The following SPMIP2 variants were observed in gnomAD, a reference collection of about 807,000 sequenced individuals.
SPMIP2 encodes the protein protein SPMIP2.
the SPMIP2 span, among the ~76,000 whole-genome samples, chr4:158,939,410 A>G: frequency 6.6e-6 from 1 of 152,170 alleles, no homozygotes; most frequent in Middle Eastern, 3.2e-3. Flanking sequence ...ACTAATCTCC[A>G]CACCACCCCA....
the SPMIP2 span, among the ~76,000 whole-genome samples, chr4:159,020,686 A>G: frequency 2.0e-5 from 3 of 152,208 alleles, no homozygotes; most frequent in Admixed American, 6.5e-5. Context: ...TAAGGCCACA[A>G]TCACAGCCCC....
the SPMIP2 span, among the ~76,000 whole-genome samples, chr4:159,048,673 A>C: frequency 4.7e-5 from 7 of 150,320 alleles, no homozygotes; most frequent in Non-Finnish European, 7.4e-5. Flanking sequence ...GCAAAGGATG[A>C]TATTGTCAAA....
At chr4:159,046,754 G>A in the SPMIP2 span, among the ~76,000 whole-genome samples, 1 of 152,266 alleles carries the variant, frequency 6.6e-6, no homozygotes, top group East Asian at 1.9e-4. Context: ...TCTATTTTTA[G>A]AAGAGACGGG....
chr4:158,973,383 G>T, the SPMIP2 span: 2 of 929,114 alleles, frequency 2.2e-6, no homozygotes, highest in Non-Finnish European at 3.2e-6. Flanking sequence ...TTTAACCGTT[G>T]AAATACTAAT....
chr4:158,945,402 A>G, the SPMIP2 span, among the ~76,000 whole-genome samples: 13 of 152,188 alleles, frequency 8.5e-5, no homozygotes, highest in Non-Finnish European at 1.8e-4. Flanking sequence ...ACCATGCTGC[A>G]AAATTATTGA....
chr4:159,013,495 T>C, the SPMIP2 span, among the ~76,000 whole-genome samples: 6 of 152,238 alleles, frequency 3.9e-5, no homozygotes, highest in African/African-American at 1.2e-4. Context: ...CCCCTCTTCC[T>C]GTCTGGTAGG....
At chr4:159,036,023 T>C in the SPMIP2 span, among the ~76,000 whole-genome samples, 1 of 152,230 alleles carries the variant, frequency 6.6e-6, no homozygotes, top group Admixed American at 6.5e-5. Context: ...ATGCAATAAA[T>C]AGTTAATAGA....
chr4:158,991,014 A>G, the SPMIP2 span, among the ~76,000 whole-genome samples: 8 of 152,182 alleles, frequency 5.3e-5, no homozygotes, highest in Non-Finnish European at 8.8e-5. Context: ...CTGGGTTCAA[A>G]TGATTCTCCT....
At chr4:158,954,133 T>C in the SPMIP2 span, among the ~76,000 whole-genome samples, 1 of 152,256 alleles carries the variant, frequency 6.6e-6, no homozygotes, top group African/African-American at 2.4e-5. Context: ...AATGATATGG[T>C]TTGGCTCTGT....
chr4:158,923,871 A>G, the SPMIP2 span, among the ~76,000 whole-genome samples: 9 of 152,252 alleles, frequency 5.9e-5, no homozygotes, highest in South Asian at 2.1e-4. Flanking sequence ...CACTTTATCA[A>G]TGTTATAGGC....
chr4:159,072,971 C>T, the SPMIP2 span, among the ~76,000 whole-genome samples: 3,573 of 152,112 alleles, frequency 0.023, 144 homozygotes, highest in African/African-American at 0.08. Flanking sequence ...TTTTGTTAGT[C>T]TCACAATGCT....
the SPMIP2 span, among the ~76,000 whole-genome samples, chr4:159,002,789 C>T: frequency 1.3e-5 from 2 of 152,188 alleles, no homozygotes; most frequent in South Asian, 4.2e-4. Flanking sequence ...CACACACACA[C>T]ACACACGCAG....
the SPMIP2 span, chr4:158,973,211 A>G: frequency 6.2e-7 from 1 of 1,613,772 alleles, no homozygotes; most frequent in Non-Finnish European, 8.5e-7. Context: ...GCCTCCATAA[A>G]TATCTGAGAT....
At chr4:158,982,250 T>C in the SPMIP2 span, among the ~76,000 whole-genome samples, 1 of 152,220 alleles carries the variant, frequency 6.6e-6, no homozygotes, top group South Asian at 2.1e-4. Flanking sequence ...TACAAAGAGA[T>C]GTAAAGTCTC....
the SPMIP2 span, among the ~76,000 whole-genome samples, chr4:159,049,140 C>T: frequency 4.6e-5 from 7 of 152,080 alleles, no homozygotes; most frequent in African/African-American, 1.2e-4. Flanking sequence ...AAAACACTGT[C>T]GAGAAAGATA....
At chr4:158,903,077 C>T in the SPMIP2 span, among the ~76,000 whole-genome samples, 5 of 152,178 alleles carry the variant, frequency 3.3e-5, no homozygotes, top group South Asian at 4.1e-4. Context: ...CCCAAATGGC[C>T]GCCCAGTTTT....
the SPMIP2 span, among the ~76,000 whole-genome samples, chr4:158,941,831 G>A: frequency 6.6e-6 from 1 of 152,086 alleles, no homozygotes; most frequent in Non-Finnish European, 1.5e-5. Flanking sequence ...AAAAATCAAG[G>A]GTGGAACCAG....
At chr4:158,952,087 A>G in the SPMIP2 span, among the ~76,000 whole-genome samples, 1 of 152,196 alleles carries the variant, frequency 6.6e-6, no homozygotes, top group East Asian at 1.9e-4. Context: ...ATTTGTATTT[A>G]GGTATTTCAT....
chr4:158,958,427 T>A, the SPMIP2 span, among the ~76,000 whole-genome samples: 5 of 152,170 alleles, frequency 3.3e-5, no homozygotes, highest in African/African-American at 1.2e-4. Context: ...AGCCACTGTG[T>A]CCAGCCAATA....
Sources: allele counts gnomAD v4.1 joint callset (sites outside exome capture counted in the v4.1 genomes callset), GRCh38; gene constraint gnomAD v4.1.1; transcripts MANE v1.5; gene names NCBI Gene and HGNC (gene_info 2026-07-23, HGNC 2026-07-21).